ZFAND3: variants seen among roughly 807,000 people sequenced by gnomAD.
ZFAND3 encodes AN1-type zinc finger protein 3.
A neutral mutation model predicts 29.6 loss-of-function variants in ZFAND3; 10 were observed. The ratio of observed to expected loss-of-function variants is 0.34; its 90% CI spans 0.21 to 0.57. The LOEUF is 0.57. Among genes scored for constraint, ZFAND3 ranks in the 20% least tolerant of loss-of-function variants. The probability of loss-of-function intolerance (pLI) is 0.86; values close to 1 mark genes in which losing one functional copy is unlikely to be tolerated. For missense variants in ZFAND3, 230 were observed against 304.5 expected, an observed-to-expected ratio of 0.76 and a Z score of 1.82; for synonymous variants, 128 against 112.6, an observed-to-expected ratio of 1.14 and a Z score of -0.87.
chr6:38,049,190 TAATG>T (rs1232560195), intron 2 of ZFAND3, among the ~76,000 whole-genome samples: 1 of 152,202 alleles, frequency 6.6e-6, no homozygotes, highest in African/African-American at 2.4e-5. Flanking sequence ...TGTACATTGT[TAATG>T]AAGCCAAAGA....
At chr6:38,087,614 A>G (rs1184696603) in intron 4 of ZFAND3, among the ~76,000 whole-genome samples, 1 of 152,254 alleles carries the variant, frequency 6.6e-6, no homozygotes, top group East Asian at 1.9e-4. Flanking sequence ...ATCGTCAGAG[A>G]ACTACAAATC....
chr6:37,839,590 C>G (rs1213178812), intron 1 of ZFAND3, among the ~76,000 whole-genome samples: 5 of 151,148 alleles, frequency 3.3e-5, no homozygotes, highest in African/African-American at 9.7e-5. Context: ...TCTCAGCTCT[C>G]TGCAAGCTCT....
At chr6:37,976,315 C>T (rs1022525566) in intron 2 of ZFAND3, among the ~76,000 whole-genome samples, 16 of 152,052 alleles carry the variant, frequency 1.1e-4, no homozygotes, top group African/African-American at 3.9e-4. Flanking sequence ...GGCGTGGTGG[C>T]TCATGCCTGT....
intron 5 of ZFAND3, among the ~76,000 whole-genome samples, chr6:38,149,535 A>C (rs970174796): frequency 1.3e-5 from 2 of 151,804 alleles, no homozygotes; most frequent in African/African-American, 4.8e-5. Flanking sequence ...ACTGTGATAG[A>C]GGGTAGAGGG....
chr6:37,840,237 A>G (rs772106616), intron 1 of ZFAND3, among the ~76,000 whole-genome samples: 1 of 152,070 alleles, frequency 6.6e-6, no homozygotes, highest in Admixed American at 6.5e-5. Context: ...AGCTGGGCCT[A>G]CAGGGACCCA....
intron 1 of ZFAND3, among the ~76,000 whole-genome samples, chr6:37,916,919 G>T (rs980573084): frequency 6.6e-6 from 1 of 152,114 alleles, no homozygotes. Context: ...TACACTACCT[G>T]CCTGTTAGTA....
At chr6:38,023,935 G>A (rs1763398795) in intron 2 of ZFAND3, among the ~76,000 whole-genome samples, 1 of 151,332 alleles carries the variant, frequency 6.6e-6, no homozygotes, top group African/African-American at 2.4e-5. Flanking sequence ...AGGAGGCTTG[G>A]TTGAGCCCAG....
chr6:37,845,090 A>C (rs973686653), intron 1 of ZFAND3, among the ~76,000 whole-genome samples: 1 of 151,944 alleles, frequency 6.6e-6, no homozygotes, highest in Non-Finnish European at 1.5e-5. Context: ...CTGGCATAGC[A>C]TCACTTCTAC....
intron 3 of ZFAND3, among the ~76,000 whole-genome samples, chr6:38,076,193 A>T (rs892278605): frequency 1.6e-4 from 21 of 133,174 alleles, no homozygotes; most frequent in African/African-American, 5.4e-4. Context: ...TCAGATGATC[A>T]TTAGCATTTT....
intron 2 of ZFAND3, among the ~76,000 whole-genome samples, chr6:38,038,061 C>T (rs1157208717): frequency 6.6e-6 from 1 of 152,210 alleles, no homozygotes; most frequent in Non-Finnish European, 1.5e-5. Flanking sequence ...CCACACTCAG[C>T]TCCTTCATGG....
At chr6:38,034,404 A>G (rs532975332) in intron 2 of ZFAND3, among the ~76,000 whole-genome samples, 1 of 152,312 alleles carries the variant, frequency 6.6e-6, no homozygotes, top group East Asian at 1.9e-4. Flanking sequence ...TTATACTGGG[A>G]TGTATCACCC....
chr6:38,060,610 C>G (rs1381878264), intron 2 of ZFAND3, among the ~76,000 whole-genome samples: 5 of 152,040 alleles, frequency 3.3e-5, no homozygotes, highest in Admixed American at 6.6e-5. Flanking sequence ...CACCACCACC[C>G]TCAGCTCATT....
chr6:38,153,188 C>A lies in ZFAND3; in HGVS notation c.*799C>A. 1 of 985,274 alleles carries A rather than the reference C, an allele frequency of 1.0e-6. No individual in the cohort carries two copies. The highest frequency in any genetic ancestry group is 4.7e-5 in the South Asian group (1 of 21,292). The allele number at this position is 985,274 out of a possible 1,614,324, so 61.0% of individuals were successfully genotyped here. A position where few individuals can be genotyped will look rare whatever the true frequency, so the allele number is the denominator to read the frequency against. ...CGCCAGTGCAGGGATCTGGCACGGA[C>A]CAGATGTGGCGAATGGCAGCACAGC... On this transcript the variant is annotated 3_prime_UTR_variant, in exon 6 of 6. Transcript: ENST00000287218.
At chr6:38,129,863 G>A (rs1434283603) in intron 5 of ZFAND3, among the ~76,000 whole-genome samples, 1 of 151,658 alleles carries the variant, frequency 6.6e-6, no homozygotes, top group Non-Finnish European at 1.5e-5. Flanking sequence ...AAGAATGTTG[G>A]TGGTACTTTG....
At chr6:38,122,155 G>A (rs1349955783) in intron 5 of ZFAND3, among the ~76,000 whole-genome samples, 1 of 152,110 alleles carries the variant, frequency 6.6e-6, no homozygotes, top group Non-Finnish European at 1.5e-5. Flanking sequence ...CCTGGTATCT[G>A]CGGGGAATCG....
chr6:37,929,759 T>A (rs552908809), intron 1 of ZFAND3, among the ~76,000 whole-genome samples, 200 bp from the exon 2 acceptor site: 28 of 119,630 alleles, frequency 2.3e-4, no homozygotes, highest in African/African-American at 8.3e-4. Context: ...GTGTTTATAT[T>A]TTTGTTTTTT....
chr6:38,120,965 C>T (rs1261767133), intron 5 of ZFAND3, among the ~76,000 whole-genome samples: 1 of 152,174 alleles, frequency 6.6e-6, no homozygotes, highest in Non-Finnish European at 1.5e-5. Flanking sequence ...TTACTGAAAT[C>T]TGAATATGCA....
chr6:38,144,215 TATAATATATA>T (rs1766047101), intron 5 of ZFAND3, among the ~76,000 whole-genome samples: 1 of 40,840 alleles, frequency 2.4e-5, no homozygotes, highest in South Asian at 5.6e-4. Context: ...ATATATAATA[TATAATATATA>T]TATATATTTT....
rs146166263 is a variant in ZFAND3 at position 38,064,588 on chromosome 6, C to G, written c.295+2813C>G. Among the ~76,000 whole-genome samples, 1,050 of 151,574 alleles carry G rather than the reference C, an allele frequency of 6.9e-3. 7 individuals carry two copies. Among genetic ancestry groups the G allele is most frequent in the African/African-American group, 0.024 (972 of 41,328 alleles). ...TGGGCAAGAGGAATGCTTTCTCTCC[C>G]TGTCATTAAGATATGTGGAAATCCA... On this transcript the variant is annotated intron_variant, in intron 3 of 5. Coordinates refer to ENST00000287218, the MANE Select transcript of ZFAND3 (RefSeq NM_021943.3).
Sources: gnomAD v4.1 joint callset for allele counts (sites outside exome capture counted in the v4.1 genomes callset) on GRCh38, gnomAD v4.1.1 for gene constraint, MANE v1.5 for transcripts, NCBI Gene and HGNC (gene_info 2026-07-23, HGNC 2026-07-21) for gene names.